Variants in RIMS1 observed in about 807,000 individuals in gnomAD.
The protein encoded by RIMS1 is regulating synaptic membrane exocytosis 1.
In RIMS1, 83 loss-of-function variants were observed where a neutral mutation model predicts 214.1. The observed-to-expected ratio is 0.39, with a 90% CI of 0.32 to 0.47. The LOEUF is 0.47. Ranked by LOEUF, RIMS1 falls within the 20% of genes least tolerant of loss-of-function variation. RIMS1 has a pLI of 0.99. For synonymous variants in RIMS1, 793 were observed against 786.8 expected, an observed-to-expected ratio of 1.01 and a Z score of -0.13; for missense variants, 2,050 against 2,161.8, an observed-to-expected ratio of 0.95 and a Z score of 1.03.
chr6:72,012,767 A>C (rs184270037), intron 2 of RIMS1, among the ~76,000 whole-genome samples: 26 of 152,296 alleles, frequency 1.7e-4, no homozygotes, highest in African/African-American at 6.0e-4. Flanking sequence ...GAAGCCTTTG[A>C]GACCTTTAAG....
intron 4 of RIMS1, among the ~76,000 whole-genome samples, chr6:72,115,989 T>C (rs2037001680): frequency 1.3e-5 from 2 of 151,986 alleles, no homozygotes; most frequent in South Asian, 2.1e-4. Flanking sequence ...AATATAAATA[T>C]GTAATTACTA....
chr6:72,233,111 A>C (rs770647484), intron 6 of RIMS1, among the ~76,000 whole-genome samples: 1 of 151,818 alleles, frequency 6.6e-6, no homozygotes, highest in Non-Finnish European at 1.5e-5. Flanking sequence ...CTTTCCATTG[A>C]AGTTTTTTCA....
intron 2 of RIMS1, among the ~76,000 whole-genome samples, chr6:72,014,377 C>T (rs1811975351): frequency 6.6e-6 from 1 of 152,204 alleles, no homozygotes; most frequent in Non-Finnish European, 1.5e-5. Context: ...CACCGCCAAA[C>T]CATATCATTT....
intron 2 of RIMS1, among the ~76,000 whole-genome samples, chr6:72,061,688 C>G (rs981270361): frequency 1.3e-5 from 2 of 152,230 alleles, no homozygotes; most frequent in African/African-American, 4.8e-5. Flanking sequence ...GTTTCAGCAT[C>G]TCTGAGAAAA....
rs531109943 is a variant in RIMS1 at position 72,185,276 on chromosome 6, C to T, written c.1678+2127C>T. Among the ~76,000 whole-genome samples the T allele has an allele frequency of 5.4e-5, 8 of 148,734 alleles. No homozygotes were observed. The South Asian group carries it at 1.5e-3, about 28-fold the overall frequency. ...ATCATGAAAATCTGGAAGGATTACA[C>T]CATTGAAGATGCCATCGTTGTTATA... is the stretch of plus-strand genomic sequence containing the variant. On this transcript the variant is annotated intron_variant, in intron 6 of 33. Coordinates refer to ENST00000521978, the MANE Select transcript of RIMS1 (RefSeq NM_014989.7).
intron 1 of RIMS1, among the ~76,000 whole-genome samples, chr6:71,890,978 G>A (rs922244838): frequency 2.0e-5 from 3 of 152,006 alleles, no homozygotes; most frequent in African/African-American, 4.8e-5. Context: ...GTATTTTCCC[G>A]TACACTACAC....
intron 31 of RIMS1, among the ~76,000 whole-genome samples, 155 bp downstream of exon 31, chr6:72,392,965 C>T (rs1291499904): frequency 6.6e-6 from 1 of 151,654 alleles, no homozygotes; most frequent in African/African-American, 2.4e-5. Context: ...ATTTCAAGTG[C>T]ATTTTTCTAA....
intron 2 of RIMS1, among the ~76,000 whole-genome samples, chr6:72,025,642 A>T (rs1816193415): frequency 6.6e-6 from 1 of 152,122 alleles, no homozygotes; most frequent in South Asian, 2.1e-4. Flanking sequence ...GATGGCTAGG[A>T]CCTTTTTGTA....
Position 72,250,857 on chromosome 6 carries a change from TG to T in RIMS1, c.2373-63del. ...TATAAATATCAATGGCAGTTTTACA[TG>T]TAACTACAGTAGATGGCAGCATGTA... On this transcript the variant is annotated intron_variant, in intron 13 of 33. Transcript: ENST00000521978. 4.6e-6 allele frequency: 4 copies of T among 877,050 alleles called. No homozygotes were observed. In the East Asian group the frequency reaches 1.1e-4, roughly 24 times the overall value. 54.3% of individuals were successfully genotyped at this position (877,050 alleles called of 1,614,324 possible).
chr6:72,275,586 G>A (rs1045329705), intron 23 of RIMS1, among the ~76,000 whole-genome samples: 7 of 151,922 alleles, frequency 4.6e-5, no homozygotes, highest in Non-Finnish European at 1.5e-5. Context: ...TAATCTCTAA[G>A]ATACTTGCCT....
At chr6:71,902,235 T>C (rs1773868520) in intron 1 of RIMS1, among the ~76,000 whole-genome samples, 1 of 152,062 alleles carries the variant, frequency 6.6e-6, no homozygotes, top group African/African-American at 2.4e-5. Context: ...TGGCTCATCT[T>C]TTGAGAGTGA....
rs2154193878 is a variant in RIMS1 at position 72,274,434 on chromosome 6, T to A, written c.3482+2T>A. On this transcript the variant is annotated splice_donor_variant, in intron 23 of 33. Coordinates refer to ENST00000521978, the MANE Select transcript of RIMS1 (RefSeq NM_014989.7). LOFTEE classifies it high-confidence loss of function. Reference sequence around the variant, plus strand: ...GCATGCGTCTCCGGAGAATGACAGGTACTAGTCAACTCCTCCTCACAGACA... The same window carrying A: ...GCATGCGTCTCCGGAGAATGACAGGAACTAGTCAACTCCTCCTCACAGACA... The A allele has an allele frequency of 6.2e-7, 1 of 1,609,780 alleles. No individual in the cohort carries two copies. The highest frequency in any genetic ancestry group is 8.5e-7 in the Non-Finnish European group (1 of 1,176,260).
intron 23 of RIMS1, among the ~76,000 whole-genome samples, chr6:72,278,955 G>C (rs531569147): frequency 6.6e-6 from 1 of 152,088 alleles, no homozygotes; most frequent in African/African-American, 2.4e-5. Context: ...TATGATATCA[G>C]TGTTAGCTCT....
At position 72,182,670 on chromosome 6, in the gene RIMS1, C is replaced by T. The variant is rs751895213; in HGVS notation, c.1199C>T (p.Ala400Val). 23 of 1,447,254 alleles carry T rather than the reference C, an allele frequency of 1.6e-5. No individual in the cohort carries two copies. The highest frequency in any genetic ancestry group is 1.8e-5 in the Non-Finnish European group (20 of 1,105,902). 89.7% of individuals were successfully genotyped at this position (1,447,254 alleles called of 1,614,324 possible). A position where few individuals can be genotyped will look rare whatever the true frequency, so the allele number is the denominator to read the frequency against. ...HSDVALPRTEAGAALPEGKAG... is the reference protein window; with the variant it reads ...HSDVALPRTEVGAALPEGKAG... ...GACGTGGCGCTCCCGCGCACCGAGG[C>T]GGGCGCGGCGCTGCCGGAGGGCAAG... The change falls in exon 6 of 34, where the codon GCG becomes GTG. Residue 400 changes from alanine (A) to valine (V), a missense_variant. This residue lies in a region of RIMS1 where 882 missense variants were observed against 828.9 expected (regional missense o/e 1.06). Transcript: ENST00000521978.
chr6:72,018,615 G>A (rs1813523310), intron 2 of RIMS1, among the ~76,000 whole-genome samples: 1 of 152,116 alleles, frequency 6.6e-6, no homozygotes, highest in South Asian at 2.1e-4. Context: ...GATTACCAAG[G>A]ATGAGAGTAT....
At chr6:72,183,173 C>CG (rs980625154) in intron 6 of RIMS1, 24 bp downstream of exon 6, 1 of 1,580,050 alleles carries the variant, frequency 6.3e-7, no homozygotes, top group African/African-American at 1.3e-5. Flanking sequence ...GCCGGCCGTG[C>CG]GGGGACTTCA....
intron 4 of RIMS1, chr6:72,155,956 G>A (rs2044384344): frequency 4.7e-6 from 1 of 213,304 alleles, no homozygotes; most frequent in Admixed American, 5.9e-5. Context: ...TTATCAAAAT[G>A]TTAGAAGATA....
intron 26 of RIMS1, among the ~76,000 whole-genome samples, chr6:72,305,707 A>T (rs192987003): frequency 6.6e-6 from 1 of 152,220 alleles, no homozygotes; most frequent in East Asian, 1.9e-4. Flanking sequence ...CAAGTAATGA[A>T]TTTCTGAACC....
intron 6 of RIMS1, among the ~76,000 whole-genome samples, chr6:72,194,915 C>T (rs973545216): frequency 2.0e-5 from 3 of 152,108 alleles, no homozygotes; most frequent in African/African-American, 7.2e-5. Context: ...TAAATACTAA[C>T]TAATATAAAT....
Sources: gnomAD v4.1 joint callset for allele counts (sites outside exome capture counted in the v4.1 genomes callset) on GRCh38, gnomAD v4.1.1 for gene constraint, gnomAD v4.1.1 regional missense constraint, MANE v1.5 for transcripts, NCBI Gene and HGNC (gene_info 2026-07-23, HGNC 2026-07-21) for gene names.